Variants in TMPRSS6 observed in about 807,000 individuals in gnomAD.
TMPRSS6 encodes the protein transmembrane serine protease 6.
Under a neutral mutation model 101.5 loss-of-function variants are expected in TMPRSS6, and 67 were observed. The observed-to-expected ratio is 0.66, with a 90% confidence interval of 0.54 to 0.81. The LOEUF (loss-of-function observed/expected upper bound fraction) is 0.81. Ranked by LOEUF, TMPRSS6 falls within the 30% of genes least tolerant of loss-of-function variation. TMPRSS6 has a pLI of 0.00. For synonymous variants in TMPRSS6, 453 were observed against 464.9 expected, an observed-to-expected ratio of 0.97 and a Z score of 0.33; for missense variants, 1,034 against 1,088.7, an observed-to-expected ratio of 0.95 and a Z score of 0.71.
intron 16 of TMPRSS6, among the ~76,000 whole-genome samples, chr22:37,067,890 A>AAGGCCCTGTCTGCCATTCTGTTT: frequency 6.6e-6 from 1 of 151,968 alleles, no homozygotes. Context: ...CTCCTCGCCC[A>AAGGCCCTGTCTGCCATTCTGTTT]GGCACGCCTG....
At chr22:37,077,515 CT>C (rs1413115102) in intron 10 of TMPRSS6, among the ~76,000 whole-genome samples, 1 of 152,222 alleles carries the variant, frequency 6.6e-6, no homozygotes, top group Non-Finnish European at 1.5e-5. Flanking sequence ...TATCATTTGC[CT>C]TTTTTGCCCT....
Position 37,065,999 on chromosome 22 carries a change from A to T in TMPRSS6, c.*81T>A. On this transcript the variant is annotated 3_prime_UTR_variant, in exon 18 of 18. Transcript: ENST00000676104. ...TGCTCTCTCCCCCACCCCCCGCCAG[A>T]ATACTTGTCCCCCTGCTTGGCAGTT... 1 of 1,483,614 alleles carries T rather than the reference A, an allele frequency of 6.7e-7. No individual in the cohort carries two copies. The highest frequency in any genetic ancestry group is 9.3e-7 in the Non-Finnish European group (1 of 1,074,584). The allele number at this position is 1,483,614 out of a possible 1,614,324, so 91.9% of individuals were successfully genotyped here. A position where few individuals can be genotyped will look rare whatever the true frequency, so the allele number is the denominator to read the frequency against.
chr22:37,086,487 G>T, intron 7 of TMPRSS6, 68 bp from the exon 8 acceptor site: 1 of 1,529,994 alleles, frequency 6.5e-7, no homozygotes, highest in South Asian at 1.2e-5. Flanking sequence ...AGGGCGGCAG[G>T]CGGCTGCTGG....
chr22:37,107,283 C>T (rs1402178102), intron 1 of TMPRSS6, among the ~76,000 whole-genome samples: 1 of 152,170 alleles, frequency 6.6e-6, no homozygotes, highest in Non-Finnish European at 1.5e-5. Flanking sequence ...CAGGGTGGCA[C>T]ATGGTGACTC....
chr22:37,101,230 C>A lies in TMPRSS6; in HGVS notation c.202+1986G>T, dbSNP rs529725039. Reference sequence around the variant, plus strand: ...AGTGCACGTGATGCAGCTGGGAGGGCAGGTGGGCCAACATATATGGGGCTT... The same window carrying A: ...AGTGCACGTGATGCAGCTGGGAGGGAAGGTGGGCCAACATATATGGGGCTT... On this transcript the variant is annotated intron_variant, in intron 2 of 17. Coordinates refer to ENST00000676104, the MANE Select transcript of TMPRSS6 (RefSeq NM_001374504.1). The surrounding 1 kb of genome is among the most constrained non-coding windows in gnomAD (Gnocchi z 4.1). Among the ~76,000 whole-genome samples, 207 of 152,112 alleles carry A rather than the reference C, an allele frequency of 1.4e-3. No homozygotes were observed. The highest frequency in any genetic ancestry group is 2.5e-3 in the Non-Finnish European group (167 of 67,982).
At chr22:37,098,392 C>T (rs748869660) in intron 3 of TMPRSS6, 24 bp downstream of exon 3, 1 of 1,613,826 alleles carries the variant, frequency 6.2e-7, no homozygotes, top group African/African-American at 1.3e-5. Flanking sequence ...TTCCCTCCCT[C>T]TCATCCCCCA....
At chr22:37,089,122 G>A (rs1011524283) in intron 7 of TMPRSS6, among the ~76,000 whole-genome samples, 3 of 152,126 alleles carry the variant, frequency 2.0e-5, no homozygotes, top group Non-Finnish European at 4.4e-5. Flanking sequence ...GTCTAGGCAC[G>A]AGGGCCCGGC....
At chr22:37,084,874 C>G in intron 8 of TMPRSS6, 35 bp from the exon 9 acceptor site, 1 of 1,504,548 alleles carries the variant, frequency 6.6e-7, no homozygotes, top group South Asian at 1.2e-5. Context: ...ACAGGGGTCC[C>G]CTGGCTGCAC....
intron 10 of TMPRSS6, chr22:37,082,468 A>ATCAT (rs1289826403): frequency 6.2e-6 from 1 of 160,244 alleles, no homozygotes; most frequent in South Asian, 1.6e-4. Flanking sequence ...ACATGTTCTC[A>ATCAT]TCATTCGCAG....
intron 6 of TMPRSS6, among the ~76,000 whole-genome samples, chr22:37,093,733 G>T (rs12172465): frequency 0.43 from 64,251 of 150,206 alleles, 13,899 homozygotes; most frequent in African/African-American, 0.48. Context: ...TTGAAAAATG[G>T]CCTATGGAGC....
chr22:37,069,119 G>T lies in TMPRSS6; in HGVS notation c.2067C>A (p.Pro689=). The change falls in exon 16 of 18, where the codon CCC becomes CCA. Residue 689 remains proline, a synonymous_variant. Coordinates refer to ENST00000676104, the MANE Select transcript of TMPRSS6 (RefSeq NM_001374504.1). The surrounding 1 kb of genome is among the most constrained non-coding windows in gnomAD (Gnocchi z 4.8). ...AGCCCGTAATCCAGCAGTGCAGGCCGGGCTCGAAGAAGTGGGAGCGCGCGG... is the reference window on the plus strand; with the variant it reads ...AGCCCGTAATCCAGCAGTGCAGGCCTGGCTCGAAGAAGTGGGAGCGCGCGG... ...CLPARSHFFE[P]GLHCWITGWG... is the part of the protein sequence containing the mutation. 2 of 1,562,110 alleles carry T rather than the reference G, an allele frequency of 1.3e-6. No homozygotes were observed. The highest frequency in any genetic ancestry group is 2.4e-5 in the East Asian group (1 of 41,806).
At chr22:37,094,220 T>C (rs1464656872) in intron 6 of TMPRSS6, among the ~76,000 whole-genome samples, 1 of 152,172 alleles carries the variant, frequency 6.6e-6, no homozygotes, top group Non-Finnish European at 1.5e-5. Flanking sequence ...TAGAGGTAGA[T>C]GTTAACTTTC....
At chr22:37,102,585 G>A (rs969462593) in intron 2 of TMPRSS6, among the ~76,000 whole-genome samples, 6 of 152,174 alleles carry the variant, frequency 3.9e-5, no homozygotes, top group Non-Finnish European at 5.9e-5. Context: ...ATTGCTCCCC[G>A]GGCACCAGGG....
rs1215405415 is a variant in TMPRSS6 at position 37,103,801 on chromosome 22, G to A, written c.-1-383C>T. On this transcript the variant is annotated intron_variant, in intron 1 of 17. Coordinates refer to ENST00000676104, the MANE Select transcript of TMPRSS6 (RefSeq NM_001374504.1). The surrounding 1 kb of genome is among the most constrained non-coding windows in gnomAD (Gnocchi z 4.4). ...GACTTCTGTAGACATCTGACCTCTTGCCCTCATTTCCCGTCCACGCAAGGA... is the reference window on the plus strand; with the variant it reads ...GACTTCTGTAGACATCTGACCTCTTACCCTCATTTCCCGTCCACGCAAGGA... 5.1e-6 allele frequency: 3 copies of A among 592,752 alleles called. No homozygotes were observed. In the African/African-American group the frequency reaches 5.6e-5, roughly 11 times the overall value. 36.7% of individuals were successfully genotyped at this position (592,752 alleles called of 1,614,324 possible). A position where few individuals can be genotyped will look rare whatever the true frequency, so the allele number is the denominator to read the frequency against.
At chr22:37,090,615 T>C (rs972200151) in intron 6 of TMPRSS6, among the ~76,000 whole-genome samples, 18 of 152,336 alleles carry the variant, frequency 1.2e-4, no homozygotes, top group African/African-American at 3.8e-4. Context: ...CCACAACAGC[T>C]GTATGAGATA....
intron 6 of TMPRSS6, among the ~76,000 whole-genome samples, chr22:37,091,204 T>C (rs1265600379): frequency 6.6e-6 from 1 of 152,216 alleles, no homozygotes; most frequent in Non-Finnish European, 1.5e-5. Context: ...CAGTATCTCA[T>C]TTAAACCTCG....
intron 13 of TMPRSS6, 80 bp downstream of exon 13, chr22:37,073,452 C>T (rs1927328838): frequency 1.1e-6 from 1 of 898,770 alleles, no homozygotes; most frequent in Non-Finnish European, 1.9e-6. Flanking sequence ...AGAGGAGAAG[C>T]TAGAAACTTT....
rs374610614 is a variant in TMPRSS6, at chr22:37,097,771, G to A, written c.336+645C>T. Among the ~76,000 whole-genome samples the A allele has an allele frequency of 2.0e-3, 216 of 109,908 alleles. 31 individuals carry two copies. Among genetic ancestry groups the A allele is most frequent in the Middle Eastern group, 0.015 (3 of 200 alleles). 72.1% of individuals were successfully genotyped at this position (109,908 alleles called of 152,430 possible). ...GCAGGAGCGGCCACTGTCCTGTAAC[G>A]GAGGGGCAGGAGTGGGCCACCGTCC... On this transcript the variant is annotated intron_variant, in intron 3 of 17. Transcript: ENST00000676104.
intron 13 of TMPRSS6, among the ~76,000 whole-genome samples, chr22:37,072,846 GGATGGATGGAT>G (rs1434971159): frequency 3.3e-5 from 5 of 149,500 alleles, no homozygotes; most frequent in South Asian, 2.2e-4. Flanking sequence ...GATGATGGAT[GGATGGATGGAT>G]GATGGATGGA....
Sources: gnomAD v4.1 joint callset for allele counts (sites outside exome capture counted in the v4.1 genomes callset) on GRCh38, gnomAD v4.1.1 for gene constraint, Gnocchi (gnomAD v3.1) non-coding constraint, MANE v1.5 for transcripts, NCBI Gene and HGNC (gene_info 2026-07-23, HGNC 2026-07-21) for gene names.